The following SHANK2 variants were observed in gnomAD, a reference collection of about 807,000 sequenced individuals.
SHANK2 encodes the protein SH3 and multiple ankyrin repeat domains 2.
In SHANK2, 43 loss-of-function variants were observed where a neutral mutation model predicts 133.7. That is an observed-to-expected ratio of 0.32 (90% confidence interval 0.25 to 0.41). SHANK2 has a LOEUF of 0.41. Among genes scored for constraint, SHANK2 ranks in the 10% least tolerant of loss-of-function variants. The pLI is 1.00. For missense variants in SHANK2, 1,994 were observed against 2,235.8 expected, an observed-to-expected ratio of 0.89 and a Z score of 2.18; for synonymous variants, 1,017 against 952.8, an observed-to-expected ratio of 1.07 and a Z score of -1.24.
At chr11:70,691,307 G>A (rs1945284674) in intron 15 of SHANK2, among the ~76,000 whole-genome samples, 2 of 152,152 alleles carry the variant, frequency 1.3e-5, no homozygotes, top group South Asian at 4.1e-4. Context: ...ACTAAAGGAG[G>A]GAAGGAGGGA....
intron 11 of SHANK2, among the ~76,000 whole-genome samples, chr11:70,887,722 A>G (rs950739192): frequency 2.6e-5 from 4 of 152,214 alleles, no homozygotes; most frequent in African/African-American, 9.7e-5. Context: ...ACCAGGCTGT[A>G]CACGGCAAGT....
chr11:70,825,321 C>G (rs1319167330), intron 11 of SHANK2, among the ~76,000 whole-genome samples: 3 of 152,024 alleles, frequency 2.0e-5, no homozygotes, highest in African/African-American at 7.3e-5. Flanking sequence ...AAATTGAAAC[C>G]CCAGAAGGTG....
chr11:70,629,067 C>G lies in SHANK2; in HGVS notation c.2061+30761G>C, dbSNP rs1001152095. 2.6e-5 allele frequency among the ~76,000 whole-genome samples: 4 copies of G among 152,304 alleles called. No homozygotes were observed. The East Asian group carries it at 7.7e-4, about 29-fold the overall frequency. On this transcript the variant is annotated intron_variant, in intron 17 of 25. Coordinates refer to ENST00000601538, the MANE Select transcript of SHANK2 (RefSeq NM_012309.5). Reference sequence around the variant, plus strand: ...GGAGAGGGATGGTTTCAGGCATGTGCGCGCCACAGCTCACGTGCTCACTGC... The same window carrying G: ...GGAGAGGGATGGTTTCAGGCATGTGGGCGCCACAGCTCACGTGCTCACTGC...
chr11:71,084,065 G>A (rs1314498429), intron 8 of SHANK2, among the ~76,000 whole-genome samples: 4 of 151,960 alleles, frequency 2.6e-5, no homozygotes, highest in Non-Finnish European at 5.9e-5. Flanking sequence ...TGCCTCCTGG[G>A]TTCATGCCAT....
At chr11:71,085,011 G>C (rs1951359367) in intron 8 of SHANK2, among the ~76,000 whole-genome samples, 2 of 152,196 alleles carry the variant, frequency 1.3e-5, no homozygotes, top group Admixed American at 6.5e-5. Flanking sequence ...GCCTGGGTTT[G>C]CTACGGGTCC....
In SHANK2 at chr11:70,820,510, C is replaced by T. The variant is rs1555055615; in HGVS notation, c.1347G>A (p.Leu449=). 4.2e-6 allele frequency: 3 copies of T among 717,082 alleles called. No homozygotes were observed. The highest frequency in any genetic ancestry group is 7.8e-6 in the Non-Finnish European group (3 of 384,774). 44.4% of individuals were successfully genotyped at this position (717,082 alleles called of 1,614,324 possible). ...ATSHRSLSPQ[L]LQQMPSKPEG... ...CGGGCTTGCTGGGCATCTGCTGCAG[C>T]AGCTGGGGTGACAGGCTGCGGTGCG... The change falls in exon 12 of 26, where the codon CTG becomes CTA. Residue 449 remains leucine, a synonymous_variant. Transcript: ENST00000601538.
chr11:71,244,831 G>A (rs1270596029), intron 1 of SHANK2, among the ~76,000 whole-genome samples: 5 of 152,102 alleles, frequency 3.3e-5, no homozygotes, highest in African/African-American at 1.2e-4. Context: ...AGCCTTCTGA[G>A]TAGCTGGGAC....
chr11:70,879,049 T>G (rs1247707727), intron 11 of SHANK2, among the ~76,000 whole-genome samples: 1 of 152,206 alleles, frequency 6.6e-6, no homozygotes, highest in African/African-American at 2.4e-5. Context: ...CTTGGTGGAC[T>G]CCTTGGTCAG....
chr11:70,500,564 C>T lies in SHANK2; in HGVS notation c.2308+6G>A. The T allele has an allele frequency of 6.2e-7, 1 of 1,603,036 alleles. No homozygotes were observed. On this transcript the variant is annotated splice_donor_region_variant and intron_variant, in intron 21 of 25. Coordinates refer to ENST00000601538, the MANE Select transcript of SHANK2 (RefSeq NM_012309.5). The surrounding 1 kb of genome is among the most constrained non-coding windows in gnomAD (Gnocchi z 4.5). ...GGGGCTGAGACAGACACTGGGCCTC[C>T]CTTACCCTTCTTCTTCCGGACCGAG...
chr11:70,720,959 A>G (rs1555028992), intron 14 of SHANK2, among the ~76,000 whole-genome samples: 1 of 152,242 alleles, frequency 6.6e-6, no homozygotes, highest in Non-Finnish European at 1.5e-5. Context: ...TTGGAAAAAT[A>G]ATCTCAAGGC....
At chr11:70,829,908 G>GT (rs528914880) in intron 11 of SHANK2, among the ~76,000 whole-genome samples, 46 of 152,276 alleles carry the variant, frequency 3.0e-4, no homozygotes, top group African/African-American at 1.1e-3. Flanking sequence ...GGCCATTCTT[G>GT]ACACCACTGT....
chr11:70,915,747 T>G (rs994878079), intron 10 of SHANK2, among the ~76,000 whole-genome samples: 19 of 152,222 alleles, frequency 1.2e-4, no homozygotes, highest in African/African-American at 4.6e-4. Flanking sequence ...GCTGTGGCTA[T>G]GAGAAAGGGG....
intron 17 of SHANK2, among the ~76,000 whole-genome samples, chr11:70,646,833 A>ATTTATTTATTTAT (rs2061269309): frequency 1.1e-5 from 1 of 93,908 alleles, no homozygotes; most frequent in South Asian, 3.6e-4. Context: ...TATTTATTTT[A>ATTTATTTATTTAT]TTTATTTATT....
At chr11:70,925,504 C>CA (rs1950415925) in intron 10 of SHANK2, among the ~76,000 whole-genome samples, 1 of 152,136 alleles carries the variant, frequency 6.6e-6, no homozygotes, top group Non-Finnish European at 1.5e-5. Flanking sequence ...TGCACCTGTG[C>CA]AAAAGTCAGA....
At chr11:71,231,882 T>A (rs1161728867) in intron 1 of SHANK2, among the ~76,000 whole-genome samples, 1 of 151,000 alleles carries the variant, frequency 6.6e-6, no homozygotes, top group African/African-American at 2.4e-5. Context: ...GGGCCAGGTG[T>A]CTTCAAGGAA....
chr11:71,090,795 A>G (rs2135102019), intron 8 of SHANK2, among the ~76,000 whole-genome samples: 1 of 152,330 alleles, frequency 6.6e-6, no homozygotes, highest in Non-Finnish European at 1.5e-5. Context: ...CGGAGGCTGT[A>G]AGTCTGAAAT....
chr11:70,643,608 C>T (rs1258823824), intron 17 of SHANK2, among the ~76,000 whole-genome samples: 5 of 149,716 alleles, frequency 3.3e-5, no homozygotes, highest in Admixed American at 3.3e-4. Context: ...TATTATACTA[C>T]AGTGGTTGGT....
chr11:70,910,653 CA>C (rs1322944988), intron 10 of SHANK2, among the ~76,000 whole-genome samples: 1 of 151,988 alleles, frequency 6.6e-6, no homozygotes, highest in African/African-American at 2.4e-5. Flanking sequence ...ACTAAAAATA[CA>C]AAATTAGCCG....
At chr11:70,933,157 C>T (rs1377689766) in intron 10 of SHANK2, 1 of 456,642 alleles carries the variant, frequency 2.2e-6, no homozygotes, top group Non-Finnish European at 4.4e-6. Context: ...TGTGGTGCAT[C>T]CATGCAGGTG....
Sources: gnomAD v4.1 joint callset for allele counts (sites outside exome capture counted in the v4.1 genomes callset) on GRCh38, gnomAD v4.1.1 for gene constraint, Gnocchi (gnomAD v3.1) non-coding constraint, MANE v1.5 for transcripts, NCBI Gene and HGNC (gene_info 2026-07-23, HGNC 2026-07-21) for gene names.